Variants in FKBP7 observed in about 807,000 individuals in gnomAD.
The protein encoded by FKBP7 is peptidyl-prolyl cis-trans isomerase FKBP7.
Under a neutral mutation model 24.3 loss-of-function variants are expected in FKBP7, and 24 were observed. The ratio of observed to expected loss-of-function variants is 0.99; its 90% CI spans 0.72 to 1.39. The LOEUF (loss-of-function observed/expected upper bound fraction) is 1.39. FKBP7 is among the 40% of genes most tolerant of loss of function. FKBP7 has a pLI of 0.00. For missense variants in FKBP7, 257 were observed against 269.5 expected, an observed-to-expected ratio of 0.95 and a Z score of 0.33; for synonymous variants, 98 against 92.8, an observed-to-expected ratio of 1.06 and a Z score of -0.32.
intron 2 of FKBP7, among the ~76,000 whole-genome samples, chr2:178,471,916 A>G (rs144808276): frequency 6.6e-6 from 1 of 152,306 alleles, no homozygotes; most frequent in East Asian, 1.9e-4. Flanking sequence ...AATGCACCAC[A>G]TATTACCTGA....
At position 178,464,867 on chromosome 2, in the gene FKBP7, A is replaced by C. The variant is rs1300430686; in HGVS notation, c.*903T>G. On this transcript the variant is annotated 3_prime_UTR_variant, in exon 4 of 4. Transcript: ENST00000424785. ...CACATTTATCAAAATTTGACAGCAT[A>C]CCAATTTGTAATGATCATTCATCAT... The C allele has an allele frequency of 6.6e-6, 1 of 152,206 alleles. No homozygotes were observed. The highest frequency in any genetic ancestry group is 1.5e-5 in the Non-Finnish European group (1 of 68,036). 9.4% of individuals were successfully genotyped at this position (152,206 alleles called of 1,614,324 possible). A position where few individuals can be genotyped will look rare whatever the true frequency, so the allele number is the denominator to read the frequency against.
chr2:178,471,558 AAT>A (rs1394126015), intron 2 of FKBP7, among the ~76,000 whole-genome samples: 1 of 152,170 alleles, frequency 6.6e-6, no homozygotes, highest in African/African-American at 2.4e-5. Flanking sequence ...ATTTCAGATA[AAT>A]ATGTCATAAA....
intron 3 of FKBP7, 54 bp from the exon 4 acceptor site, chr2:178,465,985 A>AGTAACTT: frequency 7.0e-7 from 1 of 1,428,966 alleles, no homozygotes; most frequent in Non-Finnish European, 9.4e-7. Context: ...GTGAATTTCC[A>AGTAACTT]GTAACTTTAA....
Position 178,478,367 on chromosome 2 carries a change from T to A in FKBP7, c.133A>T (p.Asn45Tyr). Residue 45 changes from asparagine to tyrosine, a missense_variant, in exon 1 of 4, where the codon AAC (asparagine) becomes TAC (tyrosine). Transcript: ENST00000424785. Reference protein sequence around the residue: ...VKIEVLHRPENCSKTSKKGDL... With the variant: ...VKIEVLHRPEYCSKTSKKGDL... ...CCCTTCTTGCTTGTCTTAGAGCAGT[T>A]TTCTGGACGATGCAAAACTTCTATT... The A allele has an allele frequency of 6.2e-7, 1 of 1,614,214 alleles. No homozygotes were observed. The highest frequency in any genetic ancestry group is 1.1e-5 in the South Asian group (1 of 91,082).
intron 2 of FKBP7, among the ~76,000 whole-genome samples, 169 bp downstream of exon 2, chr2:178,476,893 A>G (rs1685024756): frequency 6.6e-6 from 1 of 152,112 alleles, no homozygotes; most frequent in African/African-American, 2.4e-5. Flanking sequence ...ATGTATGGAC[A>G]TGTGGCTTGC....
At chr2:178,468,407 C>T (rs757168434) in intron 3 of FKBP7, among the ~76,000 whole-genome samples, 1 of 151,466 alleles carries the variant, frequency 6.6e-6, no homozygotes, top group East Asian at 1.9e-4. Context: ...AATCCCAGCA[C>T]TTTGGGAGGC....
chr2:178,467,857 C>G (rs896568250), intron 3 of FKBP7: 2 of 152,078 alleles, frequency 1.3e-5, no homozygotes, highest in African/African-American at 4.8e-5. Flanking sequence ...AGGCTGAGCT[C>G]TTGGGTACTA....
At chr2:178,475,226 G>A (rs1407942188) in intron 2 of FKBP7, among the ~76,000 whole-genome samples, 6 of 151,964 alleles carry the variant, frequency 3.9e-5, no homozygotes, top group South Asian at 2.1e-4. Context: ...AAGAAGGCAC[G>A]TGCATTTTCA....
chr2:178,477,015 AT>A (rs1685028385), intron 2 of FKBP7, 46 bp downstream of exon 2: 11 of 1,387,632 alleles, frequency 7.9e-6, no homozygotes, highest in South Asian at 1.3e-5. Flanking sequence ...TCTATTAATC[AT>A]TTTTTAAATA....
At position 178,467,397 on chromosome 2, in the gene FKBP7, T is replaced by C. The variant is rs999638880; in HGVS notation, c.508-1466A>G. Among the ~76,000 whole-genome samples, 4 of 152,324 alleles carry C rather than the reference T, an allele frequency of 2.6e-5. No individual in the cohort carries two copies. The South Asian group carries it at 8.3e-4, about 32-fold the overall frequency. ...ACTGATGAAATAGTTTACTTAATCT[T>C]TCTGACAATGAATAAAGTTTTTTGT... is the stretch of plus-strand genomic sequence containing the variant. On this transcript the variant is annotated intron_variant, in intron 3 of 3. Coordinates refer to ENST00000424785, the MANE Select transcript of FKBP7 (RefSeq NM_181342.3).
chr2:178,472,604 G>A lies in FKBP7; in HGVS notation c.374-2819C>T, dbSNP rs564247056. Among the ~76,000 whole-genome samples the A allele has an allele frequency of 7.3e-5, 11 of 151,680 alleles. No individual in the cohort carries two copies. The East Asian group carries it at 1.4e-3, about 19-fold the overall frequency. On this transcript the variant is annotated intron_variant, in intron 2 of 3. Transcript: ENST00000424785. ...ATTCTTATTTGGCTTATACCACTGC[G>A]CCTGGCCAGGAGGGCGAGATCAGCC...
At chr2:178,473,635 C>T (rs577864105) in intron 2 of FKBP7, among the ~76,000 whole-genome samples, 1 of 152,266 alleles carries the variant, frequency 6.6e-6, no homozygotes, top group South Asian at 2.1e-4. Flanking sequence ...GTGCTCTAGG[C>T]AGATAGGAGA....
intron 2 of FKBP7, among the ~76,000 whole-genome samples, chr2:178,474,205 G>A (rs534564518): frequency 6.6e-6 from 1 of 152,256 alleles, no homozygotes; most frequent in Non-Finnish European, 1.5e-5. Flanking sequence ...AGTCAGCAGT[G>A]GCTCTAAATA....
intron 3 of FKBP7, among the ~76,000 whole-genome samples, chr2:178,466,912 GT>G (rs1684678616): frequency 6.6e-6 from 1 of 152,122 alleles, no homozygotes; most frequent in African/African-American, 2.4e-5. Context: ...AGTTTGAGAG[GT>G]TTTTAGCAAT....
rs1684600360 is a variant in FKBP7, at chr2:178,464,479, G to A, written c.*1291C>T. On this transcript the variant is annotated 3_prime_UTR_variant, in exon 4 of 4. Transcript: ENST00000424785. ...GAAGCAAGGACTTTCTTCACAAGGT[G>A]GCGGGTGGGAGAATGAATGCAAGAG... The A allele has an allele frequency of 6.6e-6, 1 of 152,226 alleles. No homozygotes were observed. The highest frequency in any genetic ancestry group is 2.1e-4 in the South Asian group (1 of 4,826). 9.4% of individuals were successfully genotyped at this position (152,226 alleles called of 1,614,324 possible).
rs1345161147 is a variant in FKBP7, at chr2:178,464,416, G to A, written c.*1354C>T. On this transcript the variant is annotated 3_prime_UTR_variant, in exon 4 of 4. Coordinates refer to ENST00000424785, the MANE Select transcript of FKBP7 (RefSeq NM_181342.3). ...TGACTCATGGTTCCCCATGGCTGGG[G>A]AGGCCTCAGGAAGCTTACAATCATG... is the stretch of plus-strand genomic sequence containing the variant. The A allele has an allele frequency of 6.6e-6, 1 of 152,216 alleles. No individual in the cohort carries two copies. Among genetic ancestry groups the A allele is most frequent in the African/African-American group, 2.4e-5 (1 of 41,448 alleles). The allele number at this position is 152,216 out of a possible 1,614,324, so 9.4% of individuals were successfully genotyped here.
At position 178,464,147 on chromosome 2, in the gene FKBP7, G is replaced by A. The variant is rs1227358908; in HGVS notation, c.*1623C>T. ...TGTTTGTTTTTGTATGTACTCATCT[G>A]AAAGCCCTCTATTTTTAAATAGAAT... On this transcript the variant is annotated 3_prime_UTR_variant, in exon 4 of 4. Transcript: ENST00000424785. 2 of 152,130 alleles carry A rather than the reference G, an allele frequency of 1.3e-5. No homozygotes were observed. Among genetic ancestry groups the A allele is most frequent in the Non-Finnish European group, 2.9e-5 (2 of 68,026 alleles). The allele number at this position is 152,130 out of a possible 1,614,324, so 9.4% of individuals were successfully genotyped here.
Position 178,465,443 on chromosome 2 carries a change from G to T in FKBP7, c.*327C>A. The stretch of plus-strand genomic sequence containing the variant: ...TTAACATGCTGGTAAGGTTAAAGTT[G>T]GGAAAAGCTTGCAGTTTTTGACATA... On this transcript the variant is annotated 3_prime_UTR_variant, in exon 4 of 4. Transcript: ENST00000424785. 1 of 177,004 alleles carries T rather than the reference G, an allele frequency of 5.6e-6. No individual in the cohort carries two copies. The highest frequency in any genetic ancestry group is 1.5e-4 in the East Asian group (1 of 6,864). The allele number at this position is 177,004 out of a possible 1,614,324, so 11.0% of individuals were successfully genotyped here.
chr2:178,470,140 T>C (rs946890113), intron 2 of FKBP7, among the ~76,000 whole-genome samples: 6 of 152,224 alleles, frequency 3.9e-5, no homozygotes, highest in Non-Finnish European at 7.3e-5. Flanking sequence ...CTGTGGGTTC[T>C]GCATCTGTGG....
Sources: gnomAD v4.1 joint callset for allele counts (sites outside exome capture counted in the v4.1 genomes callset) on GRCh38, gnomAD v4.1.1 for gene constraint, MANE v1.5 for transcripts, NCBI Gene and HGNC (gene_info 2026-07-23, HGNC 2026-07-21) for gene names.